Variants in TCF20 observed in about 807,000 individuals in gnomAD.
The protein encoded by TCF20 is transcription factor 20.
In TCF20, 3 loss-of-function variants were observed where a neutral mutation model predicts 148.6. The ratio of observed to expected loss-of-function variants is 0.02; its 90% CI spans 0.01 to 0.05. TCF20 has a LOEUF of 0.05. Ranked by LOEUF, TCF20 falls within the 10% of genes least tolerant of loss-of-function variation. The pLI is 1.00. For synonymous variants in TCF20, 1,049 were observed against 909.5 expected (o/e 1.15, Z -2.76); for missense variants, 2,350 against 2,429.3 (o/e 0.97, Z 0.69).
intron 2 of TCF20, among the ~76,000 whole-genome samples, chr22:42,196,090 C>CT: frequency 6.6e-6 from 1 of 152,342 alleles, no homozygotes; most frequent in East Asian, 1.9e-4. Context: ...GCTCTGAATA[C>CT]TGTTGGGTCT....
At chr22:42,257,893 T>A (rs1925829848) in intron 1 of TCF20, among the ~76,000 whole-genome samples, 1 of 152,234 alleles carries the variant, frequency 6.6e-6, no homozygotes. Flanking sequence ...TGTTTTGATA[T>A]AACACTTAGC....
intron 1 of TCF20, among the ~76,000 whole-genome samples, chr22:42,245,724 T>C (rs148949743): frequency 6.6e-6 from 1 of 152,320 alleles, no homozygotes; most frequent in Non-Finnish European, 1.5e-5. Context: ...TTTGGTAGAA[T>C]TAACCAATGT....
intron 1 of TCF20, among the ~76,000 whole-genome samples, chr22:42,251,075 G>C (rs1053869715): frequency 1.3e-5 from 2 of 152,164 alleles, no homozygotes; most frequent in African/African-American, 4.8e-5. Context: ...CAATATTGGG[G>C]ATTACAATTC....
rs536311364 is a variant in TCF20 at position 42,309,710 on chromosome 22, C to T, written c.-37+33769G>A. On this transcript the variant is annotated intron_variant, in intron 1 of 1. Coordinates refer to the TCF20 transcript ENST00000515426. ...TTCTTCCTTCCAGTCTCAGCTCAGACTTCTTTCCTCTCAAAGTGCCTCTGG... is the reference window on the plus strand; with the variant it reads ...TTCTTCCTTCCAGTCTCAGCTCAGATTTCTTTCCTCTCAAAGTGCCTCTGG... Among the ~76,000 whole-genome samples the T allele has an allele frequency of 2.0e-5, 3 of 152,356 alleles. No homozygotes were observed. The South Asian group carries it at 6.2e-4, about 32-fold the overall frequency.
chr22:42,264,414 C>T (rs1438116924), intron 1 of TCF20, among the ~76,000 whole-genome samples: 1 of 152,154 alleles, frequency 6.6e-6, no homozygotes, highest in East Asian at 1.9e-4. Context: ...GACAACACTC[C>T]TCTTTCTTAG....
chr22:42,200,819 C>T (rs562040749), intron 2 of TCF20, among the ~76,000 whole-genome samples: 2 of 152,270 alleles, frequency 1.3e-5, no homozygotes, highest in African/African-American at 4.8e-5. Flanking sequence ...TACTTATTTC[C>T]TGAGTTTCCT....
intron 1 of TCF20, among the ~76,000 whole-genome samples, chr22:42,323,866 G>GTGGTGGTGGTGGTGGTGATGGAGGTTA: frequency 2.3e-5 from 3 of 129,964 alleles, no homozygotes; most frequent in South Asian, 2.8e-4. Context: ...GGTTATGGTG[G>GTGGTGGTGGTGGTGGTGATGGAGGTTA]TGGTGGTGGT....
chr22:42,179,749 C>T (rs1420838236), intron 2 of TCF20, 47 bp from the exon 3 acceptor site: 10 of 1,362,928 alleles, frequency 7.3e-6, no homozygotes, highest in Non-Finnish European at 8.4e-6. Flanking sequence ...CAGATTTGGC[C>T]CTCTCCTCCA....
intron 1 of TCF20, among the ~76,000 whole-genome samples, chr22:42,289,342 C>T (rs953100872): frequency 6.6e-6 from 1 of 152,108 alleles, no homozygotes; most frequent in Non-Finnish European, 1.5e-5. Context: ...CCAGATCTGC[C>T]ATTGCCCAAA....
At chr22:42,172,325 T>A (rs902975289) in intron 3 of TCF20, among the ~76,000 whole-genome samples, 1 of 152,120 alleles carries the variant, frequency 6.6e-6, no homozygotes, top group Non-Finnish European at 1.5e-5. Context: ...GAGCAGTAGG[T>A]GTAGTAAAAC....
intron 1 of TCF20, among the ~76,000 whole-genome samples, chr22:42,322,007 C>T (rs1361248468): frequency 6.6e-6 from 1 of 151,422 alleles, no homozygotes; most frequent in Admixed American, 6.6e-5. Flanking sequence ...CCTCACAGGC[C>T]TGGGACAATG....
At chr22:42,335,010 G>A (rs1340035333) in intron 1 of TCF20, among the ~76,000 whole-genome samples, 1 of 152,098 alleles carries the variant, frequency 6.6e-6, no homozygotes, top group African/African-American at 2.4e-5. Context: ...ATCCAGAGCT[G>A]TACACCCTCT....
At position 42,326,867 on chromosome 22, in the gene TCF20, C is replaced by T. The variant is rs192011768; in HGVS notation, c.-37+16612G>A. 6.6e-5 allele frequency among the ~76,000 whole-genome samples: 10 copies of T among 152,374 alleles called. No individual in the cohort carries two copies. In the East Asian group the frequency reaches 1.9e-3, roughly 29 times the overall value. The stretch of plus-strand genomic sequence containing the variant: ...GCCACACAGCCAGCTGATTCCAGAG[C>T]CGGAGCGCTGGGCACAAGCACCCTG... On this transcript the variant is annotated intron_variant, in intron 1 of 1. Transcript: ENST00000515426.
In TCF20 at chr22:42,179,656, T is replaced by C. The variant is rs1236775820; in HGVS notation, c.5702A>G (p.Asn1901Ser). 6.2e-7 allele frequency: 1 copy of C among 1,614,090 alleles called. No homozygotes were observed. ...ATGGTATCGGAAGGAGCAGCCTTTG[T>C]TGTAGCAGCCCAAGGTGGCGCCTGC... ...QEAGATLGCY[N>S]KGCSFRYHYP... The change falls in exon 3 of 6, where the codon AAC becomes AGC. Residue 1901 changes from asparagine (N) to serine (S), a missense_variant. Transcript: ENST00000677622.
rs1444586520 is a variant in TCF20, at chr22:42,299,455, G to T, written c.-37+44024C>A. On this transcript the variant is annotated intron_variant, in intron 1 of 1. Transcript: ENST00000515426. The surrounding 1 kb of genome is among the most constrained non-coding windows in gnomAD (Gnocchi z 4.1). ...CCTAGCCAACCTCCAATGCCCTGGG[G>T]CCTCAATTTCCCCCAGGACAAAGGG... Among the ~76,000 whole-genome samples the T allele has an allele frequency of 6.6e-6, 1 of 152,192 alleles. No individual in the cohort carries two copies. The highest frequency in any genetic ancestry group is 1.5e-5 in the Non-Finnish European group (1 of 68,034).
rs1158879741 is a variant in TCF20 at position 42,213,398 on chromosome 22, T to C, written c.1908A>G (p.Gln636=). The C allele has an allele frequency of 6.2e-7, 1 of 1,614,052 alleles. No homozygotes were observed. The highest frequency in any genetic ancestry group is 8.5e-7 in the Non-Finnish European group (1 of 1,180,032). The change falls in exon 2 of 6, where the codon CAA becomes CAG. Residue 636 remains glutamine (Q), a synonymous_variant. Transcript: ENST00000677622. ...GSQEDDPAAT[Q]RPPSNGGAKE... Reference sequence around the variant, plus strand: ...TTGCCCCACCATTGCTAGGTGGCCTTTGAGTGGCTGCAGGATCATCCTCTT... The same window carrying C: ...TTGCCCCACCATTGCTAGGTGGCCTCTGAGTGGCTGCAGGATCATCCTCTT...
intron 3 of TCF20, 126 bp from the exon 4 acceptor site, chr22:42,170,022 A>G: frequency 1.2e-6 from 1 of 816,044 alleles, no homozygotes; most frequent in South Asian, 1.6e-5. Context: ...CTAATAGGAA[A>G]ACATTAGAGA....
At chr22:42,197,624 G>A (rs1761922994) in intron 2 of TCF20, among the ~76,000 whole-genome samples, 1 of 152,170 alleles carries the variant, frequency 6.6e-6, no homozygotes, top group South Asian at 2.1e-4. Flanking sequence ...GCCCGGCTGG[G>A]ATGAGAAACT....
intron 1 of TCF20, among the ~76,000 whole-genome samples, chr22:42,258,410 G>A (rs985665573): frequency 8.6e-5 from 13 of 151,982 alleles, no homozygotes; most frequent in Non-Finnish European, 1.0e-4. Context: ...ACTACCCAAC[G>A]CCAATCACAG....
Sources: allele counts gnomAD v4.1 joint callset (sites outside exome capture counted in the v4.1 genomes callset), GRCh38; gene constraint gnomAD v4.1.1; non-coding constraint Gnocchi (gnomAD v3.1); transcripts MANE v1.5; gene names NCBI Gene and HGNC (gene_info 2026-07-23, HGNC 2026-07-21).